The following TMEM135 variants were observed in gnomAD, a reference collection of about 807,000 sequenced individuals.
TMEM135 encodes transmembrane protein 135.
In TMEM135, 30 loss-of-function variants were observed where a neutral mutation model predicts 60.3. The ratio of observed to expected loss-of-function variants is 0.50; its 90% CI spans 0.37 to 0.68. The LOEUF (loss-of-function observed/expected upper bound fraction) is 0.68, where lower values mean the gene tolerates loss of function less well. Ranked by LOEUF, TMEM135 falls within the 30% of genes least tolerant of loss-of-function variation. TMEM135 has a pLI of 0.00. For synonymous variants in TMEM135, 190 were observed against 186.7 expected, an observed-to-expected ratio of 1.02 and a Z score of -0.14; for missense variants, 468 against 548.8, an observed-to-expected ratio of 0.85 and a Z score of 1.47.
intron 9 of TMEM135, among the ~76,000 whole-genome samples, chr11:87,307,569 A>T (rs1184936669): frequency 6.6e-6 from 1 of 152,148 alleles, no homozygotes; most frequent in African/African-American, 2.4e-5. Flanking sequence ...AAAAAATTGT[A>T]TGAGAAAGTT....
chr11:87,053,924 A>G (rs1288057667), intron 1 of TMEM135, among the ~76,000 whole-genome samples: 1 of 152,170 alleles, frequency 6.6e-6, no homozygotes, highest in Non-Finnish European at 1.5e-5. Context: ...TCCTTCAGGT[A>G]ATAGGATATG....
intron 6 of TMEM135, among the ~76,000 whole-genome samples, chr11:87,287,077 A>T (rs1456777027): frequency 6.6e-6 from 1 of 152,208 alleles, no homozygotes; most frequent in Non-Finnish European, 1.5e-5. Context: ...ATCTTTTCAC[A>T]TATTTAATTG....
intron 4 of TMEM135, among the ~76,000 whole-genome samples, chr11:87,116,497 T>C (rs1305595266): frequency 6.6e-6 from 1 of 152,192 alleles, no homozygotes. Flanking sequence ...TGATTCCAGA[T>C]ATTGGAAAAT....
At position 87,323,492 on chromosome 11, in the gene TMEM135, C is replaced by T; in HGVS notation, c.*2159C>T. On this transcript the variant is annotated 3_prime_UTR_variant, in exon 15 of 15. Transcript: ENST00000305494. ...CAGGTATTGATTGACAACTTTTTGG[C>T]ATTATAAATAAAGTAAAATAGATCT... 1 of 453,894 alleles carries T rather than the reference C, an allele frequency of 2.2e-6. No individual in the cohort carries two copies. The allele number at this position is 453,894 out of a possible 1,614,324, so 28.1% of individuals were successfully genotyped here.
chr11:87,280,374 A>G (rs532925705), intron 6 of TMEM135, among the ~76,000 whole-genome samples: 3 of 152,340 alleles, frequency 2.0e-5, no homozygotes, highest in African/African-American at 7.2e-5. Context: ...CTTTAGAAGT[A>G]AAGTTCAAAT....
intron 6 of TMEM135, among the ~76,000 whole-genome samples, chr11:87,280,959 A>G (rs6592345): frequency 6.6e-6 from 1 of 151,998 alleles, no homozygotes; most frequent in East Asian, 1.9e-4. Flanking sequence ...TGATAAATTC[A>G]TACTATAATC....
chr11:87,298,336 A>G (rs1288498516), intron 7 of TMEM135, among the ~76,000 whole-genome samples: 1 of 152,190 alleles, frequency 6.6e-6, no homozygotes, highest in Non-Finnish European at 1.5e-5. Context: ...TGGCTTAAGG[A>G]AGTGCTTATC....
intron 1 of TMEM135, among the ~76,000 whole-genome samples, chr11:87,064,814 G>A (rs1004198765): frequency 6.6e-6 from 1 of 152,200 alleles, no homozygotes; most frequent in African/African-American, 2.4e-5. Flanking sequence ...GAATCTGGGA[G>A]GTGGAGATTG....
At chr11:87,249,108 C>G (rs1053576375) in intron 6 of TMEM135, among the ~76,000 whole-genome samples, 5 of 152,164 alleles carry the variant, frequency 3.3e-5, no homozygotes, top group Non-Finnish European at 5.9e-5. Context: ...ATTGCTCTAG[C>G]TAGGACTTCC....
rs554330057 is a variant in TMEM135, at chr11:87,091,296, A to G, written c.363-66A>G. 114 of 1,373,766 alleles carry G rather than the reference A, an allele frequency of 8.3e-5. 1 individual carries two copies. The South Asian group carries it at 1.2e-3, about 15-fold the overall frequency. 85.1% of individuals were successfully genotyped at this position (1,373,766 alleles called of 1,614,324 possible). Reference sequence around the variant, plus strand: ...ATATAATTCTTTTTATAGACTTCTAATAAATGATAAAGTGATTACTAAGTC... The same window carrying G: ...ATATAATTCTTTTTATAGACTTCTAGTAAATGATAAAGTGATTACTAAGTC... On this transcript the variant is annotated intron_variant, in intron 3 of 14. Coordinates refer to ENST00000305494, the MANE Select transcript of TMEM135 (RefSeq NM_022918.4).
intron 3 of TMEM135, among the ~76,000 whole-genome samples, chr11:87,084,426 G>C (rs1025754055): frequency 2.0e-5 from 3 of 151,954 alleles, no homozygotes; most frequent in African/African-American, 7.3e-5. Context: ...TCCTGCCTCA[G>C]TCTCCCCAGT....
chr11:87,097,512 A>G (rs1044934857), intron 4 of TMEM135, among the ~76,000 whole-genome samples: 2 of 152,228 alleles, frequency 1.3e-5, no homozygotes, highest in African/African-American at 4.8e-5. Flanking sequence ...TTAACTATCT[A>G]TGGTTAAAAT....
At chr11:87,229,096 C>T (rs1940831404) in intron 5 of TMEM135, among the ~76,000 whole-genome samples, 1 of 152,092 alleles carries the variant, frequency 6.6e-6, no homozygotes, top group South Asian at 2.1e-4. Flanking sequence ...ACTTTATTTG[C>T]ACATTATTTG....
Position 87,186,061 on chromosome 11 carries a change from T to C in TMEM135, c.462+28655T>C, listed in dbSNP as rs538001048. Among the ~76,000 whole-genome samples the C allele has an allele frequency of 4.6e-5, 7 of 152,178 alleles. No homozygotes were observed. The South Asian group carries it at 1.5e-3, about 32-fold the overall frequency. ...AGCTGGGACTACAGGCATGTGCCAC[T>C]ACATTCAGCTATTTTTTGTATTTTT... On this transcript the variant is annotated intron_variant, in intron 5 of 14. Transcript: ENST00000305494.
chr11:87,150,203 G>A (rs1359687880), intron 4 of TMEM135, among the ~76,000 whole-genome samples: 2 of 113,578 alleles, frequency 1.8e-5, no homozygotes, highest in Admixed American at 1.1e-4. Flanking sequence ...CAACAAGAGC[G>A]AAACTCTGTC....
chr11:87,105,267 C>T (rs1201137259), intron 4 of TMEM135, among the ~76,000 whole-genome samples: 9 of 152,180 alleles, frequency 5.9e-5, no homozygotes, highest in South Asian at 2.1e-4. Flanking sequence ...GGAGATGATA[C>T]GCGGGTGAGC....
chr11:87,126,600 A>ATG (rs1373974521), intron 4 of TMEM135, among the ~76,000 whole-genome samples: 1 of 151,366 alleles, frequency 6.6e-6, no homozygotes, highest in South Asian at 2.1e-4. Context: ...TTTTTAAAAT[A>ATG]TATATATATA....
At chr11:87,263,569 C>A (rs1941693281) in intron 6 of TMEM135, among the ~76,000 whole-genome samples, 1 of 152,094 alleles carries the variant, frequency 6.6e-6, no homozygotes, top group African/African-American at 2.4e-5. Flanking sequence ...AATTCATAAA[C>A]TGTAAGCTGA....
chr11:87,062,973 G>A (rs1237697076), intron 1 of TMEM135, among the ~76,000 whole-genome samples: 1 of 152,068 alleles, frequency 6.6e-6, no homozygotes, highest in Non-Finnish European at 1.5e-5. Context: ...TCCACTCCCT[G>A]TTGAGATTTG....
Sources: gnomAD v4.1 joint callset for allele counts (sites outside exome capture counted in the v4.1 genomes callset) on GRCh38, gnomAD v4.1.1 for gene constraint, MANE v1.5 for transcripts, NCBI Gene and HGNC (gene_info 2026-07-23, HGNC 2026-07-21) for gene names.